SP4: variants seen among roughly 807,000 people sequenced by gnomAD.
SP4 encodes Sp4 transcription factor, also known as transcription factor Sp4.
A neutral mutation model predicts 72.8 loss-of-function variants in SP4; 19 were observed. The observed-to-expected ratio is 0.26, with a 90% CI of 0.18 to 0.38. SP4 has a LOEUF of 0.38. Ranked by LOEUF, SP4 falls within the 10% of genes least tolerant of loss-of-function variation. The probability of loss-of-function intolerance (pLI) is 1.00; values close to 1 mark genes in which losing one functional copy is unlikely to be tolerated. For synonymous variants in SP4, 395 were observed against 333.1 expected, an observed-to-expected ratio of 1.19 and a Z score of -2.02; for missense variants, 1,008 against 926.3, an observed-to-expected ratio of 1.09 and a Z score of -1.14.
At chr7:21,459,695 C>G (rs1211820538) in intron 3 of SP4, among the ~76,000 whole-genome samples, 2 of 152,216 alleles carry the variant, frequency 1.3e-5, no homozygotes, top group Non-Finnish European at 2.9e-5. Context: ...ATTTTCTGCT[C>G]TCATGGAAGA....
chr7:21,503,869 C>T (rs1216278118), intron 5 of SP4, among the ~76,000 whole-genome samples: 1 of 152,234 alleles, frequency 6.6e-6, no homozygotes, highest in Non-Finnish European at 1.5e-5. Context: ...AATCCCTATA[C>T]ACCCATAATT....
intron 3 of SP4, among the ~76,000 whole-genome samples, chr7:21,470,508 A>G (rs1165402121): frequency 1.3e-5 from 2 of 152,232 alleles, no homozygotes. Context: ...AGGTTATTCT[A>G]TATGGAATAT....
chr7:21,495,671 C>T (rs1387726893), intron 5 of SP4, among the ~76,000 whole-genome samples: 5 of 152,134 alleles, frequency 3.3e-5, no homozygotes, highest in Non-Finnish European at 5.9e-5. Context: ...AAATGACACA[C>T]TGCCTTTGGA....
At chr7:21,434,971 C>G (rs7795138) in intron 3 of SP4, among the ~76,000 whole-genome samples, 73 of 152,262 alleles carry the variant, frequency 4.8e-4, no homozygotes, top group African/African-American at 1.5e-3. Context: ...AGTTAACTAC[C>G]TGTTTTCACA....
At chr7:21,494,192 A>ATCCAC (rs1785050295) in intron 5 of SP4, among the ~76,000 whole-genome samples, 1 of 152,206 alleles carries the variant, frequency 6.6e-6, no homozygotes, top group Non-Finnish European at 1.5e-5. Context: ...CTTAATGATG[A>ATCCAC]AGGACCTTTT....
intron 4 of SP4, among the ~76,000 whole-genome samples, chr7:21,480,715 C>T (rs909305270): frequency 4.6e-5 from 7 of 152,170 alleles, no homozygotes; most frequent in Admixed American, 6.5e-5. Context: ...TTCTTCACAG[C>T]CTCTTTGCTC....
Position 21,494,637 on chromosome 7 carries a change from A to C in SP4, c.2107+12514A>C, listed in dbSNP as rs547903646. Among the ~76,000 whole-genome samples the C allele has an allele frequency of 9.8e-5, 15 of 152,340 alleles. No homozygotes were observed. In the South Asian group the frequency reaches 2.3e-3, roughly 23 times the overall value. ...ATGAAAGAATGCAATGAAGAACTAC[A>C]TTAATGCAGAGATACACATTGTATT... On this transcript the variant is annotated intron_variant, in intron 5 of 5. Coordinates refer to ENST00000222584, the MANE Select transcript of SP4 (RefSeq NM_003112.5).
At chr7:21,442,459 G>T (rs956694120) in intron 3 of SP4, among the ~76,000 whole-genome samples, 1 of 152,182 alleles carries the variant, frequency 6.6e-6, no homozygotes, top group African/African-American at 2.4e-5. Flanking sequence ...GTACATGATA[G>T]ATATCATCTA....
chr7:21,499,079 C>CAA lies in SP4; in HGVS notation c.2108-11924_2108-11923dup, dbSNP rs34565680. 2.4e-3 allele frequency among the ~76,000 whole-genome samples: 234 copies of CAA among 99,538 alleles called. 1 individual carries two copies. The highest frequency in any genetic ancestry group is 6.8e-3 in the African/African-American group (191 of 28,146). 65.3% of individuals were successfully genotyped at this position (99,538 alleles called of 152,430 possible). On this transcript the variant is annotated intron_variant, in intron 5 of 5. Transcript: ENST00000222584. ...TGGGCGATGGAGCAAGACTCTGTCT[C>CAA]AAAAAAAAAAAAAAAAAAAACTGTT... is the stretch of plus-strand genomic sequence containing the variant.
At chr7:21,445,884 G>A (rs1783406439) in intron 3 of SP4, among the ~76,000 whole-genome samples, 1 of 152,020 alleles carries the variant, frequency 6.6e-6, no homozygotes, top group African/African-American at 2.4e-5. Context: ...TTTTGCAAGA[G>A]TTTGATACAT....
chr7:21,450,232 A>C (rs1343610821), intron 3 of SP4, among the ~76,000 whole-genome samples: 1 of 152,150 alleles, frequency 6.6e-6, no homozygotes, highest in African/African-American at 2.4e-5. Context: ...GGTAAATTTG[A>C]CTGGGTCAAA....
intron 3 of SP4, among the ~76,000 whole-genome samples, chr7:21,432,750 TTGGGAGGCCAGGG>T (rs1782907836): frequency 6.6e-6 from 1 of 151,910 alleles, no homozygotes; most frequent in Non-Finnish European, 1.5e-5. Context: ...TCCCAACACT[TTGGGAGGCCAGGG>T]TGGGAGGATT....
intron 3 of SP4, among the ~76,000 whole-genome samples, chr7:21,460,404 G>A (rs1019896887): frequency 1.3e-4 from 19 of 151,826 alleles, no homozygotes; most frequent in African/African-American, 4.1e-4. Context: ...CGGTGGGTTC[G>A]TGGTCTCGCT....
intron 3 of SP4, among the ~76,000 whole-genome samples, chr7:21,441,792 G>A (rs1258345331): frequency 6.6e-6 from 1 of 152,094 alleles, no homozygotes; most frequent in Non-Finnish European, 1.5e-5. Flanking sequence ...GAAAGACATG[G>A]TAAGGGATTA....
chr7:21,460,556 C>T (rs923783142), intron 3 of SP4, among the ~76,000 whole-genome samples: 5 of 152,182 alleles, frequency 3.3e-5, no homozygotes, highest in African/African-American at 1.2e-4. Flanking sequence ...GGGACCCGAG[C>T]GGGTTGCCAC....
Position 21,497,069 on chromosome 7 carries a change from A to G in SP4, c.2108-13953A>G, listed in dbSNP as rs542877359. 2.4e-4 allele frequency among the ~76,000 whole-genome samples: 37 copies of G among 152,276 alleles called. No individual in the cohort carries two copies. The South Asian group carries it at 7.3e-3, about 30-fold the overall frequency. ...TTTGGTTAGTCTATTGTTTGTCCCAATTATTATCCCCTGTCTTGGGCATCC... is the reference window on the plus strand; with the variant it reads ...TTTGGTTAGTCTATTGTTTGTCCCAGTTATTATCCCCTGTCTTGGGCATCC... On this transcript the variant is annotated intron_variant, in intron 5 of 5. Coordinates refer to ENST00000222584, the MANE Select transcript of SP4 (RefSeq NM_003112.5).
intron 3 of SP4, among the ~76,000 whole-genome samples, chr7:21,464,280 T>A (rs1019283653): frequency 2.6e-5 from 4 of 151,878 alleles, no homozygotes; most frequent in Admixed American, 2.6e-4. Flanking sequence ...GTATTTTTAG[T>A]GGAGACAGGG....
At chr7:21,475,404 A>G (rs1330674475) in intron 3 of SP4, among the ~76,000 whole-genome samples, 1 of 151,862 alleles carries the variant, frequency 6.6e-6, no homozygotes, top group Non-Finnish European at 1.5e-5. Context: ...CTGAGCCACC[A>G]CGCCTGGCCT....
intron 1 of SP4, among the ~76,000 whole-genome samples, 191 bp downstream of exon 1, chr7:21,428,449 C>T (rs1353750300): frequency 2.6e-5 from 4 of 152,028 alleles, no homozygotes; most frequent in African/African-American, 9.7e-5. Context: ...GAACAACCTC[C>T]TTCTGGGTGT....
Sources: gnomAD v4.1 joint callset for allele counts (sites outside exome capture counted in the v4.1 genomes callset) on GRCh38, gnomAD v4.1.1 for gene constraint, MANE v1.5 for transcripts, NCBI Gene and HGNC (gene_info 2026-07-23, HGNC 2026-07-21) for gene names.